DLG2: variants seen among roughly 807,000 people sequenced by gnomAD.
DLG2 encodes disks large homolog 2.
A neutral mutation model predicts 132.5 loss-of-function variants in DLG2; 45 were observed. That is an observed-to-expected ratio of 0.34 (90% CI 0.27 to 0.44). The LOEUF (loss-of-function observed/expected upper bound fraction) is 0.44. Among genes scored for constraint, DLG2 ranks in the 20% least tolerant of loss-of-function variants. The pLI is 1.00. For synonymous variants in DLG2, 424 were observed against 419.6 expected, an observed-to-expected ratio of 1.01 and a Z score of -0.13; for missense variants, 1,045 against 1,196.9, an observed-to-expected ratio of 0.87 and a Z score of 1.87.
chr11:84,107,052 C>T (rs1356701643), intron 9 of DLG2, among the ~76,000 whole-genome samples: 3 of 146,828 alleles, frequency 2.0e-5, no homozygotes, highest in African/African-American at 7.6e-5. Context: ...GTGGCAGTAT[C>T]GAAAGAGAAG....
chr11:85,082,195 C>A (rs1268305525), intron 6 of DLG2, among the ~76,000 whole-genome samples: 1 of 152,072 alleles, frequency 6.6e-6, no homozygotes, highest in East Asian at 1.9e-4. Context: ...GCTCCCTAAA[C>A]ACATTAAGAA....
intron 14 of DLG2, among the ~76,000 whole-genome samples, chr11:83,954,483 A>G (rs981398975): frequency 9.2e-5 from 14 of 152,126 alleles, no homozygotes; most frequent in African/African-American, 3.4e-4. Flanking sequence ...TTTCATTTCT[A>G]CACTTTGCTT....
intron 4 of DLG2, among the ~76,000 whole-genome samples, chr11:85,159,319 T>C (rs1448647661): frequency 6.6e-6 from 1 of 152,194 alleles, no homozygotes; most frequent in Admixed American, 6.5e-5. Context: ...ATAATTGGCA[T>C]AGACATACTT....
Position 85,078,117 on chromosome 11 carries a change from A to G in DLG2, c.357+33544T>C, listed in dbSNP as rs1018885832. Among the ~76,000 whole-genome samples the G allele has an allele frequency of 2.0e-5, 3 of 151,428 alleles. No homozygotes were observed. The Admixed American group carries it at 2.0e-4, about 10-fold the overall frequency. On this transcript the variant is annotated intron_variant, in intron 6 of 27. Transcript: ENST00000376104. The stretch of plus-strand genomic sequence containing the variant: ...AGGTATTGTTCTATGGCCATAGTAA[A>G]AAACCGTGCAAAACAATATATCAAA...
At chr11:85,560,588 C>CT (rs944909390) in intron 3 of DLG2, among the ~76,000 whole-genome samples, 11 of 151,766 alleles carry the variant, frequency 7.2e-5, no homozygotes, top group African/African-American at 2.7e-4. Context: ...AAGTGAGGAT[C>CT]TTTTTATGAT....
chr11:83,961,286 T>A (rs2088675056), intron 14 of DLG2, among the ~76,000 whole-genome samples: 1 of 152,070 alleles, frequency 6.6e-6, no homozygotes, highest in South Asian at 2.1e-4. Context: ...AGAGGTAGGT[T>A]TCAACTATGG....
In DLG2 at chr11:84,157,744, C is replaced by A. The variant is rs369649019; in HGVS notation, c.624+5717G>T. Among the ~76,000 whole-genome samples, 9 of 152,342 alleles carry A rather than the reference C, an allele frequency of 5.9e-5. No homozygotes were observed. In the East Asian group the frequency reaches 1.4e-3, roughly 23 times the overall value. ...TGTGCATTTACTTCTGTGTCCTCCA[C>A]AAGGCTGCAAAATTCTTTGAAACAA... On this transcript the variant is annotated intron_variant, in intron 9 of 27. Transcript: ENST00000376104.
intron 6 of DLG2, among the ~76,000 whole-genome samples, chr11:84,607,180 A>G (rs1247118444): frequency 6.6e-6 from 1 of 152,122 alleles, no homozygotes; most frequent in East Asian, 1.9e-4. Context: ...ACTGTAAAAG[A>G]GAAAGGGATC....
chr11:84,050,153 CTT>C (rs59128434), intron 11 of DLG2, among the ~76,000 whole-genome samples: 89,897 of 141,044 alleles, frequency 0.64, 30,594 homozygotes, highest in Non-Finnish European at 0.78. Flanking sequence ...CTACTGGAGA[CTT>C]TTTTTTTTTT....
chr11:85,606,729 T>C (rs1005168542), intron 2 of DLG2, among the ~76,000 whole-genome samples: 1 of 152,124 alleles, frequency 6.6e-6, no homozygotes. Context: ...TAACACTCAC[T>C]GCGAAGGTCT....
intron 7 of DLG2, among the ~76,000 whole-genome samples, chr11:84,378,174 G>T (rs773186544): frequency 6.6e-6 from 1 of 152,164 alleles, no homozygotes; most frequent in Non-Finnish European, 1.5e-5. Context: ...GAGGTCATAA[G>T]GGTAGGGCTG....
intron 11 of DLG2, among the ~76,000 whole-genome samples, chr11:84,050,550 T>C (rs573165977): frequency 3.3e-5 from 5 of 152,162 alleles, no homozygotes; most frequent in Admixed American, 6.6e-5. Context: ...ATTTTGACTT[T>C]TGTTGCCATT....
chr11:84,057,211 G>A (rs904558374), intron 11 of DLG2, among the ~76,000 whole-genome samples: 2 of 152,134 alleles, frequency 1.3e-5, no homozygotes, highest in Admixed American at 1.3e-4. Context: ...TAAAATATGT[G>A]TTCTTGGTAA....
intron 4 of DLG2, among the ~76,000 whole-genome samples, chr11:85,217,660 A>G (rs911757978): frequency 6.6e-6 from 1 of 152,122 alleles, no homozygotes; most frequent in African/African-American, 2.4e-5. Flanking sequence ...AGTTGAAACC[A>G]CTCAATCACA....
intron 16 of DLG2, among the ~76,000 whole-genome samples, chr11:83,872,443 C>T (rs2063653300): frequency 6.6e-6 from 1 of 152,134 alleles, no homozygotes; most frequent in Non-Finnish European, 1.5e-5. Context: ...GTGTTATTCA[C>T]TAGATATAAG....
intron 6 of DLG2, among the ~76,000 whole-genome samples, chr11:85,040,617 T>C (rs1047661911): frequency 6.6e-6 from 1 of 151,982 alleles, no homozygotes; most frequent in Non-Finnish European, 1.5e-5. Flanking sequence ...TGTGAACTTT[T>C]ATAACCTCAC....
At chr11:85,422,364 G>A (rs2090384009) in intron 3 of DLG2, among the ~76,000 whole-genome samples, 1 of 152,012 alleles carries the variant, frequency 6.6e-6, no homozygotes, top group Non-Finnish European at 1.5e-5. Context: ...AGATTTCTTG[G>A]AGGCTTTGTT....
At chr11:85,415,363 G>A (rs1205652758) in intron 3 of DLG2, among the ~76,000 whole-genome samples, 4 of 152,078 alleles carry the variant, frequency 2.6e-5, no homozygotes, top group Non-Finnish European at 5.9e-5. Flanking sequence ...CTAATTCTTT[G>A]GGTTTATACC....
chr11:84,650,654 C>T lies in DLG2; in HGVS notation c.358-115923G>A, dbSNP rs548621504. ...TTGACTTTGAAGTCAGAGAGCTATG[C>T]TCCTTCTTGCTTAACCTCTCATTAA... On this transcript the variant is annotated intron_variant, in intron 6 of 27. Transcript: ENST00000376104. 2.7e-3 allele frequency among the ~76,000 whole-genome samples: 407 copies of T among 152,052 alleles called. 2 individuals are homozygous for T. The highest frequency in any genetic ancestry group is 9.6e-3 in the African/African-American group (398 of 41,474).
Sources: allele counts gnomAD v4.1 joint callset (sites outside exome capture counted in the v4.1 genomes callset), GRCh38; gene constraint gnomAD v4.1.1; transcripts MANE v1.5; gene names NCBI Gene and HGNC (gene_info 2026-07-23, HGNC 2026-07-21).